NLRP5: variants seen among roughly 807,000 people sequenced by gnomAD.
NLRP5 encodes NLR family pyrin domain containing 5.
NLRP5 carries 93 observed loss-of-function variants against 113.1 expected under a neutral mutation model. The ratio of observed to expected loss-of-function variants is 0.82; its 90% CI spans 0.70 to 0.98. The LOEUF (loss-of-function observed/expected upper bound fraction) is 0.98, where lower values mean the gene tolerates loss of function less well. Among genes scored for constraint, NLRP5 ranks in the 50% least tolerant of loss-of-function variants. The pLI, the probability that NLRP5 is intolerant of heterozygous loss-of-function variation, is 0.00. For synonymous variants in NLRP5, 751 were observed against 600.7 expected, an observed-to-expected ratio of 1.25 and a Z score of -3.66; for missense variants, 1,808 against 1,514.3, an observed-to-expected ratio of 1.19 and a Z score of -3.22.
At chr19:56,031,296 C>T (rs1228918872) in intron 7 of NLRP5, among the ~76,000 whole-genome samples, 4 of 152,112 alleles carry the variant, frequency 2.6e-5, no homozygotes, top group African/African-American at 7.2e-5. Flanking sequence ...CCCCCGGCAG[C>T]CTCCACTCTA....
At chr19:55,990,079 C>CTTTTCTTTTCTTTTTTTT in the NLRP5 span, among the ~76,000 whole-genome samples, 2 of 95,956 alleles carry the variant, frequency 2.1e-5, no homozygotes, top group African/African-American at 4.0e-5. Context: ...TTTCTTTTTT[C>CTTTTCTTTTCTTTTTTTT]TTTTTTTTTT....
chr19:55,999,568 G>C (rs1981543517), upstream of NLRP5, among the ~76,000 whole-genome samples: 1 of 152,018 alleles, frequency 6.6e-6, no homozygotes, highest in African/African-American at 2.4e-5. Context: ...TGGTGTTCAG[G>C]GTTCCCATGC....
intron 3 of NLRP5, among the ~76,000 whole-genome samples, chr19:56,013,584 A>T (rs3097882): frequency 0.38 from 34,225 of 89,550 alleles, 5,368 homozygotes; most frequent in Middle Eastern, 0.46. Context: ...TTATCACATG[A>T]TGGACATTTG....
chr19:56,043,542 CTTTTTTTTTTTTTTTTTTTTTTTT>C (rs369622191), intron 11 of NLRP5, among the ~76,000 whole-genome samples: 19 of 92,920 alleles, frequency 2.0e-4, no homozygotes, highest in East Asian at 9.5e-4. Flanking sequence ...CTCTGCTATT[CTTTTTTTTTTTTTTTTTTTTTTTT>C]TTTTTTTTTT....
chr19:55,998,926 T>G (rs1724587052), upstream of NLRP5, among the ~76,000 whole-genome samples: 1 of 151,564 alleles, frequency 6.6e-6, no homozygotes, highest in African/African-American at 2.4e-5. Flanking sequence ...TGAGGATGTT[T>G]AAAATCTACT....
intron 4 of NLRP5, among the ~76,000 whole-genome samples, chr19:56,018,969 A>AT (rs1326747435): frequency 6.6e-6 from 1 of 151,842 alleles, no homozygotes; most frequent in African/African-American, 2.4e-5. Context: ...AACTTTTTGT[A>AT]TTTTTTAGTA....
intron 6 of NLRP5, among the ~76,000 whole-genome samples, chr19:56,024,405 C>T (rs1342968704): frequency 1.1e-4 from 13 of 118,656 alleles, no homozygotes; most frequent in African/African-American, 2.7e-4. Context: ...CATATATGTA[C>T]ATATATGTAT....
chr19:56,013,923 G>A (rs771158718), intron 3 of NLRP5, among the ~76,000 whole-genome samples: 2 of 151,846 alleles, frequency 1.3e-5, no homozygotes, highest in Non-Finnish European at 2.9e-5. Context: ...GAATCTTTTC[G>A]TGTGCTTATT....
intron 3 of NLRP5, among the ~76,000 whole-genome samples, chr19:56,012,634 TA>T (rs1982242795): frequency 6.6e-6 from 1 of 150,560 alleles, no homozygotes; most frequent in African/African-American, 2.4e-5. Context: ...TGGCCTGTCT[TA>T]CTTTTGCATA....
chr19:56,031,441 C>T (rs1268928355), intron 7 of NLRP5, among the ~76,000 whole-genome samples: 1 of 151,900 alleles, frequency 6.6e-6, no homozygotes, highest in Admixed American at 6.6e-5. Flanking sequence ...CCAGCCTGGC[C>T]AACATGGTGA....
At chr19:55,995,310 TAACA>T (rs1320442506), upstream of NLRP5, among the ~76,000 whole-genome samples, 1 of 152,138 alleles carries the variant, frequency 6.6e-6, no homozygotes, top group Non-Finnish European at 1.5e-5. Flanking sequence ...TATACCTGTG[TAACA>T]AACCTGCACG....
At chr19:56,012,524 T>G (rs1982235965) in intron 3 of NLRP5, among the ~76,000 whole-genome samples, 1 of 151,234 alleles carries the variant, frequency 6.6e-6, no homozygotes, top group Admixed American at 6.6e-5. Flanking sequence ...ATTCGAAAAT[T>G]TATAAACATG....
intron 6 of NLRP5, among the ~76,000 whole-genome samples, chr19:56,024,543 A>G (rs1982760196): frequency 6.9e-6 from 1 of 145,978 alleles, no homozygotes; most frequent in African/African-American, 2.5e-5. Flanking sequence ...ATGTATATGT[A>G]TGTATATGTG....
chr19:56,011,056 G>A (rs1291337454), intron 3 of NLRP5, among the ~76,000 whole-genome samples: 1 of 151,830 alleles, frequency 6.6e-6, no homozygotes, highest in Non-Finnish European at 1.5e-5. Context: ...GGAAGCTGAG[G>A]CAGGAGGATT....
chr19:56,051,081 A>T (rs959487478), intron 12 of NLRP5, among the ~76,000 whole-genome samples: 4 of 152,158 alleles, frequency 2.6e-5, no homozygotes, highest in Non-Finnish European at 5.9e-5. Flanking sequence ...AGTGGTTTGG[A>T]TGTCTTCTGG....
At chr19:56,024,493 A>G (rs1234876803) in intron 6 of NLRP5, among the ~76,000 whole-genome samples, 1 of 142,082 alleles carries the variant, frequency 7.0e-6, no homozygotes, top group Non-Finnish European at 1.5e-5. Flanking sequence ...ACATGCGTAT[A>G]TACATATGTA....
chr19:56,037,763 G>C (rs1261532519), intron 9 of NLRP5, among the ~76,000 whole-genome samples: 1 of 151,844 alleles, frequency 6.6e-6, no homozygotes, highest in Non-Finnish European at 1.5e-5. Flanking sequence ...GGAGGGAAGT[G>C]GGGTAGGCAC....
rs931392661 is a variant in NLRP5 at position 56,028,405 on chromosome 19, C to G, written c.2172C>G (p.Ser724=). ...AGAACCTGGACTTGATAGCATCTTC[C>G]TTCTGCCTCCAGCACTGTCCGTATT... is the stretch of plus-strand genomic sequence containing the variant. Residue 724 remains serine, a synonymous_variant, in exon 7 of 15, where the codon TCC becomes TCG. Coordinates refer to ENST00000390649, the MANE Select transcript of NLRP5 (RefSeq NM_153447.4). 6.2e-7 allele frequency: 1 copy of G among 1,613,998 alleles called. No individual in the cohort carries two copies. Among genetic ancestry groups the G allele is most frequent in the Non-Finnish European group, 8.5e-7 (1 of 1,179,902 alleles).
chr19:55,996,843 A>G (rs140194172), upstream of NLRP5, among the ~76,000 whole-genome samples: 144 of 152,342 alleles, frequency 9.5e-4, no homozygotes, highest in Middle Eastern at 3.4e-3. Flanking sequence ...TCCTTTAGGT[A>G]TATACCCAGT....
Sources: allele counts gnomAD v4.1 joint callset (sites outside exome capture counted in the v4.1 genomes callset), GRCh38; gene constraint gnomAD v4.1.1; transcripts MANE v1.5; gene names NCBI Gene and HGNC (gene_info 2026-07-23, HGNC 2026-07-21).